CDH13: variants seen among roughly 807,000 people sequenced by gnomAD.
The protein encoded by CDH13 is cadherin 13.
Under a neutral mutation model 63.8 loss-of-function variants are expected in CDH13, and 24 were observed. That is an observed-to-expected ratio of 0.38 (90% CI 0.27 to 0.53). The LOEUF (loss-of-function observed/expected upper bound fraction) is 0.53, where lower values mean the gene tolerates loss of function less well. Ranked by LOEUF, CDH13 falls within the 20% of genes least tolerant of loss-of-function variation. The probability of loss-of-function intolerance (pLI) is 0.85; values close to 1 mark genes in which losing one functional copy is unlikely to be tolerated. For synonymous variants in CDH13, 503 were observed against 355.3 expected (o/e 1.42, Z -4.67); for missense variants, 1,049 against 903.1 (o/e 1.16, Z -2.07).
chr16:83,763,612 A>G lies in CDH13; in HGVS notation c.1681+15362A>G, dbSNP rs940775711. On this transcript the variant is annotated intron_variant, in intron 11 of 13. Transcript: ENST00000567109. ...AGATTATTTAGATTGATTCTACTTA[A>G]AAGATGCTAGTTTGGATAAAATGAA... 2.6e-5 allele frequency among the ~76,000 whole-genome samples: 4 copies of G among 152,284 alleles called. No homozygotes were observed. The South Asian group carries it at 8.3e-4, about 32-fold the overall frequency.
chr16:82,853,460 C>G (rs1173022214), intron 1 of CDH13, among the ~76,000 whole-genome samples: 1 of 152,178 alleles, frequency 6.6e-6, no homozygotes, highest in East Asian at 1.9e-4. Flanking sequence ...CCAGGAACTA[C>G]TTAAGGCTCT....
chr16:83,497,744 C>T (rs565267296), intron 7 of CDH13, among the ~76,000 whole-genome samples: 17 of 152,300 alleles, frequency 1.1e-4, no homozygotes, highest in South Asian at 4.1e-4. Context: ...ATTTGACCAA[C>T]GGGCCATAGT....
intron 6 of CDH13, among the ~76,000 whole-genome samples, chr16:83,421,073 A>G (rs1276654600): frequency 6.6e-6 from 1 of 152,188 alleles, no homozygotes; most frequent in African/African-American, 2.4e-5. Flanking sequence ...GTAAGTGGAT[A>G]AGATTAATAA....
intron 2 of CDH13, among the ~76,000 whole-genome samples, chr16:82,960,384 G>A (rs138936523): frequency 4.6e-5 from 7 of 152,144 alleles, no homozygotes; most frequent in African/African-American, 1.7e-4. Context: ...GACAGGGGTG[G>A]GAGCTGACAT....
chr16:82,842,725 T>TATA (rs2039085771), intron 1 of CDH13, among the ~76,000 whole-genome samples: 1 of 32,286 alleles, frequency 3.1e-5, no homozygotes. Flanking sequence ...ATTATTACCT[T>TATA]ATATAATGAA....
At chr16:83,756,843 A>T (rs140696694) in intron 11 of CDH13, among the ~76,000 whole-genome samples, 171 of 152,326 alleles carry the variant, frequency 1.1e-3, no homozygotes, top group Non-Finnish European at 1.9e-3. Flanking sequence ...TCATTGTGGG[A>T]GTCTTAAAAC....
chr16:82,885,784 G>A (rs373226795), intron 2 of CDH13, among the ~76,000 whole-genome samples: 3 of 152,028 alleles, frequency 2.0e-5, no homozygotes, highest in Non-Finnish European at 4.4e-5. Context: ...CCTTGGGCAC[G>A]TTTTTATGCT....
chr16:82,673,399 A>G (rs1235781366), intron 1 of CDH13, among the ~76,000 whole-genome samples: 1 of 152,224 alleles, frequency 6.6e-6, no homozygotes, highest in Non-Finnish European at 1.5e-5. Flanking sequence ...AGCAGGAAAT[A>G]AAAGTATCCC....
At chr16:83,181,876 G>A (rs2038358740) in intron 4 of CDH13, among the ~76,000 whole-genome samples, 1 of 152,104 alleles carries the variant, frequency 6.6e-6, no homozygotes, top group Admixed American at 6.5e-5. Flanking sequence ...ATTGCAGGTT[G>A]GTCAGAACCA....
At chr16:83,781,752 A>G (rs1182177818) in intron 12 of CDH13, among the ~76,000 whole-genome samples, 1 of 150,618 alleles carries the variant, frequency 6.6e-6, no homozygotes, top group African/African-American at 2.4e-5. Context: ...GAACTTTCTC[A>G]TTCAAGAGTT....
intron 5 of CDH13, among the ~76,000 whole-genome samples, chr16:83,289,352 T>G (rs1313305629): frequency 1.3e-5 from 2 of 152,180 alleles, no homozygotes; most frequent in African/African-American, 4.8e-5. Flanking sequence ...GGCTTCTGTT[T>G]AGGGCGGTGT....
rs189643377 is a variant in CDH13, at chr16:83,628,855, T to A, written c.1101+26261T>A. Among the ~76,000 whole-genome samples the A allele has an allele frequency of 1.2e-3, 180 of 152,354 alleles. 1 individual carries two copies. The highest frequency in any genetic ancestry group is 2.3e-3 in the South Asian group (11 of 4,830). The stretch of plus-strand genomic sequence containing the variant: ...ATCTGTCTAAAAGCTTTCTGTGGGT[T>A]TTAAACTTACCTATTTTTTAAAAGA... On this transcript the variant is annotated intron_variant, in intron 8 of 13. Coordinates refer to ENST00000567109, the MANE Select transcript of CDH13 (RefSeq NM_001257.5).
intron 7 of CDH13, among the ~76,000 whole-genome samples, chr16:83,561,906 A>C (rs908346040): frequency 6.6e-6 from 1 of 152,164 alleles, no homozygotes; most frequent in Non-Finnish European, 1.5e-5. Context: ...TCAAATGGGG[A>C]TTCAGATGTC....
chr16:83,652,124 C>T (rs914906626), intron 8 of CDH13, among the ~76,000 whole-genome samples: 1 of 152,212 alleles, frequency 6.6e-6, no homozygotes, highest in Non-Finnish European at 1.5e-5. Context: ...ATGCGACGTG[C>T]TCATGGGAAT....
intron 2 of CDH13, among the ~76,000 whole-genome samples, chr16:82,940,909 A>G (rs147439411): frequency 6.6e-6 from 1 of 152,282 alleles, no homozygotes; most frequent in Non-Finnish European, 1.5e-5. Flanking sequence ...GTTATGAAAG[A>G]GGGGTAATTA....
chr16:82,777,095 A>G (rs7194913), intron 1 of CDH13, among the ~76,000 whole-genome samples: 1 of 152,012 alleles, frequency 6.6e-6, no homozygotes, highest in Non-Finnish European at 1.5e-5. Flanking sequence ...ACAGACATAC[A>G]CTACCACACC....
intron 3 of CDH13, among the ~76,000 whole-genome samples, chr16:83,058,922 A>C (rs2031234781): frequency 6.6e-6 from 1 of 152,020 alleles, no homozygotes; most frequent in South Asian, 2.1e-4. Flanking sequence ...AATCTTCTTA[A>C]CTGGTGGAAC....
chr16:83,753,292 C>T (rs1322698454), intron 11 of CDH13, among the ~76,000 whole-genome samples: 1 of 152,142 alleles, frequency 6.6e-6, no homozygotes, highest in African/African-American at 2.4e-5. Context: ...ACCTGTAATC[C>T]TAGCACTTTG....
At chr16:83,480,946 C>T (rs1184272413) in intron 6 of CDH13, among the ~76,000 whole-genome samples, 1 of 152,206 alleles carries the variant, frequency 6.6e-6, no homozygotes, top group Non-Finnish European at 1.5e-5. Context: ...GGGGCAAACA[C>T]ACAAGTAACG....
Sources: gnomAD v4.1 joint callset for allele counts (sites outside exome capture counted in the v4.1 genomes callset) on GRCh38, gnomAD v4.1.1 for gene constraint, MANE v1.5 for transcripts, NCBI Gene and HGNC (gene_info 2026-07-23, HGNC 2026-07-21) for gene names.